Variants in PARD3 observed in about 807,000 individuals in gnomAD.
PARD3 encodes partitioning defective 3 homolog.
Under a neutral mutation model 155.4 loss-of-function variants are expected in PARD3, and 75 were observed. The ratio of observed to expected loss-of-function variants is 0.48; its 90% CI spans 0.40 to 0.58. The LOEUF (loss-of-function observed/expected upper bound fraction) is 0.58, where lower values mean the gene tolerates loss of function less well. PARD3 is among the 20% of genes least tolerant of loss of function. The pLI is 0.00. For missense variants in PARD3, 1,642 were observed against 1,721.7 expected, an observed-to-expected ratio of 0.95 and a Z score of 0.82; for synonymous variants, 576 against 610.5, an observed-to-expected ratio of 0.94 and a Z score of 0.83.
At chr10:34,606,638 C>CAA (rs398013195) in intron 2 of PARD3, among the ~76,000 whole-genome samples, 50 of 79,628 alleles carry the variant, frequency 6.3e-4, no homozygotes, top group African/African-American at 2.0e-3. Context: ...CCCGTGTCTT[C>CAA]AAAAAAAAAA....
intron 2 of PARD3, among the ~76,000 whole-genome samples, chr10:34,693,074 GA>G (rs1457454123): frequency 3.3e-4 from 50 of 152,178 alleles, no homozygotes; most frequent in South Asian, 1.2e-3. Flanking sequence ...GAAATTCGAA[GA>G]AAAAAATTAA....
chr10:34,627,368 C>CA (rs985582479), intron 2 of PARD3, among the ~76,000 whole-genome samples: 3 of 151,914 alleles, frequency 2.0e-5, no homozygotes, highest in Admixed American at 6.6e-5. Context: ...CCTCTCCCGA[C>CA]AAAAAAATAT....
chr10:34,229,963 A>T (rs779331091), intron 22 of PARD3, among the ~76,000 whole-genome samples: 8 of 152,130 alleles, frequency 5.3e-5, no homozygotes, highest in Non-Finnish European at 1.2e-4. Context: ...TCTCAAACGA[A>T]TTCCTATTTG....
chr10:34,390,076 C>A (rs1842739558), intron 7 of PARD3, among the ~76,000 whole-genome samples: 1 of 152,024 alleles, frequency 6.6e-6, no homozygotes, highest in African/African-American at 2.4e-5. Context: ...AGACAAAAGA[C>A]TATTGATTCA....
intron 2 of PARD3, among the ~76,000 whole-genome samples, chr10:34,673,610 A>ATAAT: frequency 6.6e-6 from 1 of 152,364 alleles, no homozygotes; most frequent in East Asian, 1.9e-4. Context: ...GGGTGACATT[A>ATAAT]GTAGCCAACA....
At chr10:34,387,369 T>G (rs1027701415) in intron 7 of PARD3, among the ~76,000 whole-genome samples, 1 of 152,182 alleles carries the variant, frequency 6.6e-6, no homozygotes, top group Non-Finnish European at 1.5e-5. Context: ...GATACATCCT[T>G]TCAGTATTTA....
chr10:34,812,715 AG>A (rs1844346261), intron 1 of PARD3, among the ~76,000 whole-genome samples: 1 of 152,166 alleles, frequency 6.6e-6, no homozygotes, highest in Non-Finnish European at 1.5e-5. Flanking sequence ...TTGTACTTAA[AG>A]AGCATGTAAG....
At chr10:34,697,102 A>AG (rs1318160471) in intron 1 of PARD3, among the ~76,000 whole-genome samples, 1 of 94,126 alleles carries the variant, frequency 1.1e-5, no homozygotes, top group African/African-American at 3.0e-5. Context: ...ATTGAGGAGA[A>AG]GGAAAAAAAA....
At chr10:34,230,689 TG>T (rs1214931595) in intron 22 of PARD3, among the ~76,000 whole-genome samples, 1 of 151,976 alleles carries the variant, frequency 6.6e-6, no homozygotes, top group African/African-American at 2.4e-5. Flanking sequence ...ATAACAAGTT[TG>T]GAGAGCAGAG....
intron 23 of PARD3, among the ~76,000 whole-genome samples, chr10:34,123,053 C>T (rs1470768252): frequency 6.6e-6 from 1 of 152,164 alleles, no homozygotes; most frequent in Non-Finnish European, 1.5e-5. Flanking sequence ...TCTGGAGATT[C>T]ACCAGAGAAC....
chr10:34,526,788 A>G (rs1436732), intron 2 of PARD3, among the ~76,000 whole-genome samples: 27,212 of 152,092 alleles, frequency 0.18, 5,686 homozygotes, highest in African/African-American at 0.51. Flanking sequence ...CCTCCTACCA[A>G]CTTGTACCGT....
intron 2 of PARD3, among the ~76,000 whole-genome samples, chr10:34,545,891 A>G (rs1342670650): frequency 2.0e-5 from 3 of 152,224 alleles, no homozygotes; most frequent in Non-Finnish European, 4.4e-5. Context: ...CTATGTAGTT[A>G]TTAAAATATA....
intron 2 of PARD3, among the ~76,000 whole-genome samples, chr10:34,576,255 T>C (rs1392756515): frequency 6.6e-6 from 1 of 152,220 alleles, no homozygotes; most frequent in Non-Finnish European, 1.5e-5. Flanking sequence ...AACAACATAA[T>C]ACAGTTCGCT....
intron 23 of PARD3, among the ~76,000 whole-genome samples, chr10:34,129,035 C>A (rs1388850450): frequency 2.0e-5 from 3 of 152,244 alleles, no homozygotes; most frequent in African/African-American, 7.2e-5. Flanking sequence ...CAGCAGCTAA[C>A]AGGATCCAGC....
At chr10:34,255,300 T>C (rs1954599752) in intron 22 of PARD3, among the ~76,000 whole-genome samples, 1 of 152,152 alleles carries the variant, frequency 6.6e-6, no homozygotes, top group South Asian at 2.1e-4. Context: ...TGGAGTTGTA[T>C]TGTCTGTACC....
intron 1 of PARD3, among the ~76,000 whole-genome samples, chr10:34,697,905 G>T (rs958524108): frequency 6.6e-6 from 1 of 151,988 alleles, no homozygotes; most frequent in Non-Finnish European, 1.5e-5. Context: ...CCAGAATTTG[G>T]CATCTCCAGA....
intron 2 of PARD3, among the ~76,000 whole-genome samples, chr10:34,595,238 A>C (rs1027697598): frequency 6.6e-6 from 1 of 152,208 alleles, no homozygotes; most frequent in East Asian, 1.9e-4. Context: ...TTTGCCTCTC[A>C]TTGAATGTTT....
At chr10:34,748,023 C>T (rs1030346738) in intron 1 of PARD3, among the ~76,000 whole-genome samples, 2 of 150,648 alleles carry the variant, frequency 1.3e-5, no homozygotes, top group African/African-American at 5.0e-5. Context: ...CAGGAATGGA[C>T]GTGGGGGTTA....
intron 19 of PARD3, among the ~76,000 whole-genome samples, chr10:34,328,871 G>A (rs1347061823): frequency 6.6e-6 from 1 of 152,158 alleles, no homozygotes; most frequent in Non-Finnish European, 1.5e-5. Context: ...TTTGCCATAT[G>A]CAAAGTTCAG....
Sources: gnomAD v4.1 joint callset for allele counts (sites outside exome capture counted in the v4.1 genomes callset) on GRCh38, gnomAD v4.1.1 for gene constraint, MANE v1.5 for transcripts, NCBI Gene and HGNC (gene_info 2026-07-23, HGNC 2026-07-21) for gene names.